SULF1: variants seen among roughly 807,000 people sequenced by gnomAD.
SULF1 encodes extracellular sulfatase Sulf-1.
SULF1 carries 46 observed loss-of-function variants against 110.5 expected under a neutral mutation model. The observed-to-expected ratio is 0.42, with a 90% CI of 0.33 to 0.53. SULF1 has a LOEUF of 0.53. SULF1 is among the 20% of genes least tolerant of loss of function. The probability of loss-of-function intolerance (pLI) is 0.12; values close to 1 mark genes in which losing one functional copy is unlikely to be tolerated. For synonymous variants in SULF1, 371 were observed against 387.1 expected (o/e 0.96, Z 0.49); for missense variants, 941 against 1,094.2 (o/e 0.86, Z 1.98).
intron 1 of SULF1, among the ~76,000 whole-genome samples, chr8:69,495,323 T>C (rs1810265610): frequency 6.6e-6 from 1 of 152,090 alleles, no homozygotes; most frequent in South Asian, 2.1e-4. Flanking sequence ...TTCAAGGCTA[T>C]GGTGCACTAT....
chr8:69,577,861 T>TTC (rs1393977730), intron 6 of SULF1, among the ~76,000 whole-genome samples: 1 of 152,198 alleles, frequency 6.6e-6, no homozygotes, highest in Non-Finnish European at 1.5e-5. Context: ...TCCAAAGTCT[T>TTC]TCCTCTGTTC....
Position 69,624,177 on chromosome 8 carries a change from C to A in SULF1, c.1830C>A (p.Thr610=), listed in dbSNP as rs750227813. 6.3e-6 allele frequency: 10 copies of A among 1,597,414 alleles called. No homozygotes were observed. Among genetic ancestry groups the A allele is most frequent in the South Asian group, 3.4e-5 (3 of 88,964 alleles). ...GCAGCAACGCCGTGGGCCCACCTAC[C>A]ACTGTCCGAGTGACACACAAGTAAG... ...ADSSNAVGPP[T]TVRVTHKCFI... is the part of the protein sequence containing the mutation. Residue 610 remains threonine, a synonymous_variant, in exon 15 of 23, where the codon ACC becomes ACA. Transcript: ENST00000402687.
chr8:69,647,634 G>T (rs2130717695), intron 22 of SULF1, among the ~76,000 whole-genome samples: 1 of 152,090 alleles, frequency 6.6e-6, no homozygotes, highest in Admixed American at 6.5e-5. Flanking sequence ...AGGCACAGTG[G>T]CTCACACCTG....
intron 5 of SULF1, among the ~76,000 whole-genome samples, chr8:69,572,057 C>T (rs1249202005): frequency 6.6e-6 from 1 of 152,196 alleles, no homozygotes; most frequent in Non-Finnish European, 1.5e-5. Context: ...CCACTGAGAC[C>T]ATTTCAGCCT....
rs1361931850 is a variant in SULF1, at chr8:69,658,833, A to G, written c.*298A>G. 1.7e-6 allele frequency: 1 copy of G among 582,746 alleles called. No homozygotes were observed. Among genetic ancestry groups the G allele is most frequent in the Non-Finnish European group, 3.2e-6 (1 of 308,798 alleles). 36.1% of individuals were successfully genotyped at this position (582,746 alleles called of 1,614,324 possible). ...AAGACCCAAGGCATAAGGTTGGGAAAACACCTCATTTGACCTTGCCAGCTG... is the reference window on the plus strand; with the variant it reads ...AAGACCCAAGGCATAAGGTTGGGAAGACACCTCATTTGACCTTGCCAGCTG... On this transcript the variant is annotated 3_prime_UTR_variant, in exon 23 of 23. Transcript: ENST00000402687.
rs74585575 is a variant in SULF1, at chr8:69,653,467, C to T, written c.2586-5038C>T. The stretch of plus-strand genomic sequence containing the variant: ...AAATAAATAGCCAGACAAAGAGGTA[C>T]ATAGGCTAAGGTCCAGATGGGTCCC... On this transcript the variant is annotated intron_variant, in intron 22 of 22. Coordinates refer to ENST00000402687, the MANE Select transcript of SULF1 (RefSeq NM_001128205.2). 6.1e-3 allele frequency among the ~76,000 whole-genome samples: 928 copies of T among 152,344 alleles called. 21 individuals are homozygous for T. Among genetic ancestry groups the T allele is most frequent in the Admixed American group, 0.04 (611 of 15,310 alleles).
At chr8:69,472,745 G>A (rs1213093752) in intron 1 of SULF1, among the ~76,000 whole-genome samples, 3 of 152,112 alleles carry the variant, frequency 2.0e-5, no homozygotes, top group Non-Finnish European at 4.4e-5. Context: ...TGACACCATC[G>A]TCACCTGTAG....
At chr8:69,525,041 G>T (rs543219698) in intron 3 of SULF1, among the ~76,000 whole-genome samples, 1 of 152,256 alleles carries the variant, frequency 6.6e-6, no homozygotes, top group African/African-American at 2.4e-5. Context: ...TTTGACAAAA[G>T]ATCATTCAGA....
chr8:69,527,479 A>G (rs1330202379), intron 3 of SULF1, among the ~76,000 whole-genome samples: 1 of 152,050 alleles, frequency 6.6e-6, no homozygotes, highest in Non-Finnish European at 1.5e-5. Context: ...GAGAGGACGA[A>G]AGACTTCATT....
chr8:69,491,802 C>A (rs776337218), upstream of SULF1, among the ~76,000 whole-genome samples: 2 of 152,128 alleles, frequency 1.3e-5, no homozygotes, highest in Non-Finnish European at 2.9e-5. Context: ...CCTGGGCCAC[C>A]AGGGAGAACA....
At chr8:69,607,585 A>T (rs146809329) in intron 13 of SULF1, among the ~76,000 whole-genome samples, 72 of 152,172 alleles carry the variant, frequency 4.7e-4, no homozygotes, top group African/African-American at 1.7e-3. Flanking sequence ...GCTGATCTGG[A>T]ACTCCAGGAC....
chr8:69,577,611 G>A (rs1805714998), intron 6 of SULF1, among the ~76,000 whole-genome samples: 2 of 152,178 alleles, frequency 1.3e-5, no homozygotes, highest in Admixed American at 1.3e-4. Flanking sequence ...GATTGAGGGT[G>A]AGACAGGGCC....
intron 3 of SULF1, among the ~76,000 whole-genome samples, chr8:69,533,525 T>C (rs1464172920): frequency 6.6e-6 from 1 of 152,266 alleles, no homozygotes; most frequent in Admixed American, 6.5e-5. Flanking sequence ...GTTCCTGCAT[T>C]AGTTTGCTGA....
chr8:69,537,739 G>A (rs1467110920), intron 3 of SULF1, among the ~76,000 whole-genome samples: 3 of 152,186 alleles, frequency 2.0e-5, no homozygotes, highest in African/African-American at 7.2e-5. Context: ...GAATGAGAGT[G>A]TGTGACATGC....
intron 3 of SULF1, among the ~76,000 whole-genome samples, chr8:69,529,054 AC>A (rs1300870222): frequency 1.3e-5 from 2 of 152,158 alleles, no homozygotes; most frequent in African/African-American, 4.8e-5. Flanking sequence ...AGTTATTTAA[AC>A]CTCAAAAAGT....
At chr8:69,644,764 A>C (rs1400148574) in intron 22 of SULF1, among the ~76,000 whole-genome samples, 5 of 47,982 alleles carry the variant, frequency 1.0e-4, no homozygotes, top group South Asian at 2.0e-3. Flanking sequence ...CCGTCTCAAA[A>C]AAAAAAAAAA....
Position 69,575,994 on chromosome 8 carries a change from C to G in SULF1, c.197C>G (p.Thr66Arg). 1 of 1,613,970 alleles carries G rather than the reference C, an allele frequency of 6.2e-7. No homozygotes were observed. Among genetic ancestry groups the G allele is most frequent in the Non-Finnish European group, 8.5e-7 (1 of 1,179,934 alleles). Reference sequence around the variant, plus strand: ...GGGTCCCTGCAAGTCATGAACAAAACGAGAAAGATTATGGAACATGGGGGG... The same window carrying G: ...GGGTCCCTGCAAGTCATGAACAAAAGGAGAAAGATTATGGAACATGGGGGG... ...ELGSLQVMNK[T>R]RKIMEHGGAT... The change falls in exon 6 of 23, where the codon ACG (threonine) becomes AGG (arginine). Residue 66 changes from threonine to arginine, a missense_variant. Transcript: ENST00000402687.
At chr8:69,596,707 A>C (rs982665273) in intron 8 of SULF1, among the ~76,000 whole-genome samples, 3 of 152,152 alleles carry the variant, frequency 2.0e-5, no homozygotes, top group African/African-American at 7.2e-5. Context: ...ATCCCGGTGC[A>C]TTATTTCTGA....
Position 69,571,662 on chromosome 8 carries a change from C to T in SULF1, c.173-4308C>T, listed in dbSNP as rs73683985. ...AGCTTCAGCTTAAAACAAAACTGAG[C>T]CCTTCCACTTATCGGACAGACATTG... On this transcript the variant is annotated intron_variant, in intron 5 of 22. Transcript: ENST00000402687. Among the ~76,000 whole-genome samples the T allele has an allele frequency of 6.0e-3, 920 of 152,320 alleles. 9 individuals carry two copies. Among genetic ancestry groups the T allele is most frequent in the African/African-American group, 0.021 (859 of 41,574 alleles).
Sources: gnomAD v4.1 joint callset for allele counts (sites outside exome capture counted in the v4.1 genomes callset) on GRCh38, gnomAD v4.1.1 for gene constraint, MANE v1.5 for transcripts, NCBI Gene and HGNC (gene_info 2026-07-23, HGNC 2026-07-21) for gene names.